TNPO3: variants seen among roughly 807,000 people sequenced by gnomAD.
TNPO3 encodes the protein transportin 3, also known as transportin-3.
A neutral mutation model predicts 122.8 loss-of-function variants in TNPO3; 65 were observed. The observed-to-expected ratio is 0.53, with a 90% CI of 0.43 to 0.65. TNPO3 has a LOEUF of 0.65. Ranked by LOEUF, TNPO3 falls within the 30% of genes least tolerant of loss-of-function variation. The pLI is 0.00. For missense variants in TNPO3, 850 were observed against 1,136.7 expected, an observed-to-expected ratio of 0.75 and a Z score of 3.63; for synonymous variants, 372 against 411.2, an observed-to-expected ratio of 0.90 and a Z score of 1.15.
intron 1 of TNPO3, among the ~76,000 whole-genome samples, chr7:129,040,995 C>T (rs1000352716): frequency 2.0e-5 from 3 of 152,250 alleles, no homozygotes; most frequent in Admixed American, 6.5e-5. Context: ...AAAAATCACC[C>T]GTGATGACAT....
intron 1 of TNPO3, among the ~76,000 whole-genome samples, chr7:129,033,080 C>G (rs995705186): frequency 6.6e-6 from 1 of 152,112 alleles, no homozygotes; most frequent in African/African-American, 2.4e-5. Flanking sequence ...GGTGCCAAGA[C>G]TACACAATGG....
chr7:128,966,513 T>C (rs1797941095), intron 21 of TNPO3, among the ~76,000 whole-genome samples: 1 of 152,216 alleles, frequency 6.6e-6, no homozygotes, highest in African/African-American at 2.4e-5. Flanking sequence ...AACCTTTGAT[T>C]CGGTGATTAC....
intron 1 of TNPO3, among the ~76,000 whole-genome samples, chr7:129,023,389 AT>A (rs1804760544): frequency 6.6e-6 from 1 of 151,910 alleles, no homozygotes; most frequent in East Asian, 1.9e-4. Flanking sequence ...ATATATAAAA[AT>A]ATACAATTCC....
chr7:129,003,026 C>A (rs1448876511), intron 5 of TNPO3, among the ~76,000 whole-genome samples: 3 of 110,114 alleles, frequency 2.7e-5, no homozygotes, highest in Admixed American at 1.2e-4. Context: ...GGCGACAGAG[C>A]GAGACTCCCT....
intron 14 of TNPO3, among the ~76,000 whole-genome samples, 171 bp from the exon 15 acceptor site, chr7:128,980,202 T>C (rs138224314): frequency 6.6e-6 from 1 of 152,366 alleles, no homozygotes; most frequent in East Asian, 1.9e-4. Context: ...AATCATCCTA[T>C]CATTTTTTGG....
chr7:128,990,789 G>A (rs1008428817), intron 10 of TNPO3, among the ~76,000 whole-genome samples: 1 of 152,038 alleles, frequency 6.6e-6, no homozygotes, highest in Non-Finnish European at 1.5e-5. Flanking sequence ...ACTGGCTAAC[G>A]GCCTTTTGAG....
At chr7:129,017,113 A>G in intron 2 of TNPO3, 57 bp from the exon 3 acceptor site, 1 of 1,459,774 alleles carries the variant, frequency 6.9e-7, no homozygotes, top group Non-Finnish European at 9.5e-7. Context: ...GGTCACAATA[A>G]ATATTAATTG....
At chr7:128,994,219 G>GCGAT (rs1166311673) in intron 8 of TNPO3, among the ~76,000 whole-genome samples, 1 of 150,910 alleles carries the variant, frequency 6.6e-6, no homozygotes, top group Non-Finnish European at 1.5e-5. Flanking sequence ...GTGCAGTGGT[G>GCGAT]CGATCTCTGC....
intron 1 of TNPO3, among the ~76,000 whole-genome samples, chr7:129,037,707 C>T (rs1404067520): frequency 1.3e-5 from 2 of 152,072 alleles, no homozygotes; most frequent in East Asian, 1.9e-4. Context: ...CCTTAGGCTA[C>T]GGGGAGGGGG....
At chr7:128,970,366 A>G (rs1438192561) in intron 19 of TNPO3, 51 bp from the exon 20 acceptor site, 33 of 1,503,992 alleles carry the variant, frequency 2.2e-5, no homozygotes, top group Non-Finnish European at 2.9e-5. Flanking sequence ...TCAACTTCCC[A>G]AAGACCAAGC....
Position 128,967,334 on chromosome 7 carries a change from C to T in TNPO3, c.2657G>A (p.Gly886Glu). ...LKGLPKETTV[G>E]AVTVTHKQLT... Reference sequence around the variant, plus strand: ...TTGTTTGTGTGTCACTGTGACGGCTCCCACGGTTGTTTCCTTTGGCAAACC... The same window carrying T: ...TTGTTTGTGTGTCACTGTGACGGCTTCCACGGTTGTTTCCTTTGGCAAACC... The change falls in exon 21 of 23, where the codon GGA becomes GAA. Residue 886 changes from glycine to glutamate, a missense_variant. Transcript: ENST00000265388. 6.2e-7 allele frequency: 1 copy of T among 1,614,018 alleles called. No individual in the cohort carries two copies. The highest frequency in any genetic ancestry group is 8.5e-7 in the Non-Finnish European group (1 of 1,179,908).
chr7:129,017,099 A>G lies in TNPO3; in HGVS notation c.322-43T>C, dbSNP rs756099006. 2.0e-6 allele frequency: 3 copies of G among 1,518,840 alleles called. No individual in the cohort carries two copies. The Admixed American group carries it at 5.0e-5, about 25-fold the overall frequency. The allele number at this position is 1,518,840 out of a possible 1,614,324, so 94.1% of individuals were successfully genotyped here. On this transcript the variant is annotated intron_variant, in intron 2 of 22. Coordinates refer to ENST00000265388, the MANE Select transcript of TNPO3 (RefSeq NM_012470.4). Reference sequence around the variant, plus strand: ...AATAAATGAAGACAGATGAACAGAAATAGGGTCACAATAAATATTAATTGG... The same window carrying G: ...AATAAATGAAGACAGATGAACAGAAGTAGGGTCACAATAAATATTAATTGG...
At chr7:128,996,742 CAAAAAAAAAAAAAAA>C (rs10618550) in intron 8 of TNPO3, among the ~76,000 whole-genome samples, 5 of 69,888 alleles carry the variant, frequency 7.2e-5, no homozygotes, top group East Asian at 5.2e-4. Context: ...GACTCCGTCT[CAAAAAAAAAAAAAAA>C]AAAAAAAAAA....
chr7:128,982,460 A>G (rs1406428024), intron 13 of TNPO3, 136 bp from the exon 14 acceptor site: 2 of 636,504 alleles, frequency 3.1e-6, no homozygotes, highest in Non-Finnish European at 5.0e-6. Context: ...TAAACTCCTA[A>G]AAGTTACTCA....
chr7:129,031,907 G>C (rs773753881), intron 1 of TNPO3, among the ~76,000 whole-genome samples: 1 of 151,782 alleles, frequency 6.6e-6, no homozygotes, highest in Admixed American at 6.6e-5. Context: ...GATGGGTTTC[G>C]AGCTCCTGGC....
chr7:128,980,050 C>A lies in TNPO3; in HGVS notation c.1860-19G>T. The A allele has an allele frequency of 6.2e-7, 1 of 1,613,310 alleles. No homozygotes were observed. Among genetic ancestry groups the A allele is most frequent in the Non-Finnish European group, 8.5e-7 (1 of 1,179,292 alleles). ...GGTATGCCTGGGAAAAGACAACAGC[C>A]CAAAATAGTGAACAAAGACCAATTT... On this transcript the variant is annotated intron_variant, in intron 14 of 22. Transcript: ENST00000265388.
intron 10 of TNPO3, among the ~76,000 whole-genome samples, chr7:128,991,263 C>T (rs1034150588): frequency 1.6e-4 from 24 of 152,136 alleles, no homozygotes; most frequent in African/African-American, 1.9e-4. Flanking sequence ...ATGCCACTGA[C>T]GAGGCCCTGA....
At chr7:129,036,407 C>G (rs1806688725) in intron 1 of TNPO3, among the ~76,000 whole-genome samples, 1 of 151,106 alleles carries the variant, frequency 6.6e-6, no homozygotes, top group Non-Finnish European at 1.5e-5. Flanking sequence ...ATATCATCAT[C>G]ATAAAAGAAA....
At chr7:128,958,137 C>CTT (rs55683535) in intron 21 of TNPO3, among the ~76,000 whole-genome samples, 36,492 of 95,252 alleles carry the variant, frequency 0.38, 8,266 homozygotes, top group Non-Finnish European at 0.43. Flanking sequence ...GAAGCACTTC[C>CTT]TTTTTTTTTT....
Sources: allele counts gnomAD v4.1 joint callset (sites outside exome capture counted in the v4.1 genomes callset), GRCh38; gene constraint gnomAD v4.1.1; transcripts MANE v1.5; gene names NCBI Gene and HGNC (gene_info 2026-07-23, HGNC 2026-07-21).